The following GRIP1 variants were observed in gnomAD, a reference collection of about 807,000 sequenced individuals.
GRIP1 encodes glutamate receptor-interacting protein 1.
GRIP1 carries 45 observed loss-of-function variants against 129.9 expected under a neutral mutation model. The ratio of observed to expected loss-of-function variants is 0.35; its 90% confidence interval spans 0.27 to 0.44. GRIP1 has a LOEUF of 0.44. Ranked by LOEUF, GRIP1 falls within the 20% of genes least tolerant of loss-of-function variation. The pLI is 1.00. For missense variants in GRIP1, 1,196 were observed against 1,396.8 expected (o/e 0.86, Z 2.29); for synonymous variants, 530 against 520.8 (o/e 1.02, Z -0.24).
At chr12:66,574,714 C>T (rs1032564678) in intron 2 of GRIP1, among the ~76,000 whole-genome samples, 4 of 152,104 alleles carry the variant, frequency 2.6e-5, no homozygotes, top group Non-Finnish European at 5.9e-5. Flanking sequence ...CCCAGTTCTG[C>T]CCACTTTCAT....
intron 1 of GRIP1, among the ~76,000 whole-genome samples, chr12:66,650,280 T>C (rs2032700153): frequency 6.6e-6 from 1 of 152,188 alleles, no homozygotes; most frequent in African/African-American, 2.4e-5. Flanking sequence ...ATGCCACCTG[T>C]ATCTCAGGCT....
chr12:66,594,617 G>A (rs968214050), intron 2 of GRIP1, among the ~76,000 whole-genome samples: 3 of 152,148 alleles, frequency 2.0e-5, no homozygotes, highest in African/African-American at 7.2e-5. Context: ...GGTGCTTACA[G>A]CTCTATATGG....
At chr12:66,757,158 C>T (rs1043341374) in intron 1 of GRIP1, among the ~76,000 whole-genome samples, 33 of 151,568 alleles carry the variant, frequency 2.2e-4, no homozygotes, top group African/African-American at 7.8e-4. Flanking sequence ...CGGTTGTCAC[C>T]CTGTTGTGCT....
At chr12:66,411,228 C>T (rs1349502947) in intron 15 of GRIP1, among the ~76,000 whole-genome samples, 1 of 152,094 alleles carries the variant, frequency 6.6e-6, no homozygotes, top group Admixed American at 6.6e-5. Context: ...CTCCAGGTCT[C>T]CAGATCGGCA....
chr12:66,830,603 G>A (rs2039498982), intron 1 of GRIP1, among the ~76,000 whole-genome samples: 1 of 152,148 alleles, frequency 6.6e-6, no homozygotes, highest in African/African-American at 2.4e-5. Flanking sequence ...CTGATCTCTA[G>A]AATGGTGAGA....
In GRIP1 at chr12:66,884,219, C is replaced by T. The variant is rs575067546; in HGVS notation, c.58+184831G>A. ...ATTTTGTTAATAATTTCAGTGAGACCGCTTAGCGCTTTTGCTAGCAACAGG... is the reference window on the plus strand; with the variant it reads ...ATTTTGTTAATAATTTCAGTGAGACTGCTTAGCGCTTTTGCTAGCAACAGG... On this transcript the variant is annotated intron_variant, in intron 1 of 1. Coordinates refer to the GRIP1 transcript ENST00000643019. 3.0e-4 allele frequency among the ~76,000 whole-genome samples: 45 copies of T among 152,288 alleles called. 1 individual carries two copies. The South Asian group carries it at 3.5e-3, about 12-fold the overall frequency.
intron 1 of GRIP1, among the ~76,000 whole-genome samples, chr12:66,620,776 C>A (rs1007314542): frequency 6.6e-6 from 1 of 151,946 alleles, no homozygotes; most frequent in Non-Finnish European, 1.5e-5. Context: ...CCTCACCCCC[C>A]CAACCCCTCC....
intron 1 of GRIP1, among the ~76,000 whole-genome samples, chr12:67,049,525 C>T (rs1234893166): frequency 2.0e-5 from 3 of 151,948 alleles, no homozygotes; most frequent in Non-Finnish European, 1.5e-5. Context: ...AATACATGGA[C>T]GCAGGGAGGG....
intron 1 of GRIP1, among the ~76,000 whole-genome samples, chr12:66,929,365 T>C (rs905173657): frequency 3.3e-5 from 5 of 152,204 alleles, no homozygotes; most frequent in African/African-American, 1.2e-4. Flanking sequence ...CTCTACCATA[T>C]ATGACTTGGT....
chr12:66,865,830 C>A (rs780755610), intron 1 of GRIP1, among the ~76,000 whole-genome samples: 26 of 151,762 alleles, frequency 1.7e-4, no homozygotes, highest in Non-Finnish European at 2.8e-4. Context: ...GATTATCTCT[C>A]TTCCACAATT....
intron 1 of GRIP1, among the ~76,000 whole-genome samples, chr12:66,774,177 C>G (rs145580971): frequency 1.2e-3 from 185 of 152,276 alleles, no homozygotes; most frequent in African/African-American, 4.4e-3. Flanking sequence ...CATTGTGTGA[C>G]TAGGGAACAA....
intron 1 of GRIP1, among the ~76,000 whole-genome samples, chr12:66,863,972 C>A (rs2040156975): frequency 6.6e-6 from 1 of 152,106 alleles, no homozygotes; most frequent in Non-Finnish European, 1.5e-5. Context: ...TGTGCCACCA[C>A]TAGAAGGTTT....
chr12:66,676,433 T>G (rs1193914878), intron 1 of GRIP1, among the ~76,000 whole-genome samples: 5 of 152,162 alleles, frequency 3.3e-5, no homozygotes, highest in Non-Finnish European at 5.9e-5. Flanking sequence ...TGAAGCAAAC[T>G]TCCCCCTGCT....
chr12:66,548,927 G>T (rs1657673641), intron 2 of GRIP1, among the ~76,000 whole-genome samples: 2 of 152,314 alleles, frequency 1.3e-5, no homozygotes, highest in South Asian at 4.1e-4. Flanking sequence ...CCACATGGCT[G>T]TAGCGTAAAA....
At chr12:66,365,470 AT>A (rs1233763141) in intron 23 of GRIP1, among the ~76,000 whole-genome samples, 1 of 152,202 alleles carries the variant, frequency 6.6e-6, no homozygotes, top group Non-Finnish European at 1.5e-5. Context: ...ATGTTTTTAC[AT>A]TTAAAATTTG....
rs374486330 is a variant in GRIP1, at chr12:66,444,688, T to C, written c.1583A>G (p.Asn528Ser). The change falls in exon 13 of 25, where the codon AAT becomes AGT. Residue 528 changes from asparagine (N) to serine (S), a missense_variant. By Grantham distance (46) the Asn-to-Ser change is conservative. This residue lies in a region of GRIP1 where 508 missense variants were observed against 587.0 expected (regional missense o/e 0.87). Transcript: ENST00000359742. Reference protein sequence around the residue: ...LQIGDRVMAINGIPTEDSTFE... With the variant: ...LQIGDRVMAISGIPTEDSTFE... ...GGTGCTGTCTTCTGTTGGAATTCCA[T>C]TGATGGCCATCACTCTGTCTCCAAT... 129 of 1,613,918 alleles carry C rather than the reference T, an allele frequency of 8.0e-5. No individual in the cohort carries two copies. The highest frequency in any genetic ancestry group is 1.3e-4 in the African/African-American group (10 of 74,900).
intron 1 of GRIP1, among the ~76,000 whole-genome samples, chr12:66,981,195 C>A (rs189489309): frequency 6.6e-6 from 1 of 152,350 alleles, no homozygotes; most frequent in African/African-American, 2.4e-5. Context: ...GTAGAGCAAT[C>A]TTCCTTATGA....
At chr12:66,785,343 CATATATAT>C (rs199738180) in intron 1 of GRIP1, among the ~76,000 whole-genome samples, 1 of 72,780 alleles carries the variant, frequency 1.4e-5, no homozygotes, top group Non-Finnish European at 2.8e-5. Flanking sequence ...TACATACATA[CATATATAT>C]ATATATATAT....
intron 1 of GRIP1, among the ~76,000 whole-genome samples, chr12:66,780,637 C>T (rs950113540): frequency 2.6e-5 from 4 of 152,172 alleles, no homozygotes; most frequent in African/African-American, 9.7e-5. Context: ...TACAGTGTCA[C>T]CTTGACACCT....
Sources: allele counts gnomAD v4.1 joint callset (sites outside exome capture counted in the v4.1 genomes callset), GRCh38; gene constraint gnomAD v4.1.1; regional missense constraint gnomAD v4.1.1; transcripts MANE v1.5; gene names NCBI Gene and HGNC (gene_info 2026-07-23, HGNC 2026-07-21).